The following ZNF385B variants were observed in gnomAD, a reference collection of about 807,000 sequenced individuals.
ZNF385B encodes zinc finger protein 385B.
In ZNF385B, 23 loss-of-function variants were observed where a neutral mutation model predicts 39.2. The ratio of observed to expected loss-of-function variants is 0.59; its 90% CI spans 0.42 to 0.83. ZNF385B has a LOEUF of 0.83. ZNF385B is among the 40% of genes least tolerant of loss of function. The pLI is 0.00. For synonymous variants in ZNF385B, 205 were observed against 222.6 expected, an observed-to-expected ratio of 0.92 and a Z score of 0.70; for missense variants, 552 against 598.9, an observed-to-expected ratio of 0.92 and a Z score of 0.82.
At chr2:179,533,421 T>C (rs751073140) in intron 4 of ZNF385B, among the ~76,000 whole-genome samples, 13 of 152,212 alleles carry the variant, frequency 8.5e-5, no homozygotes, top group Non-Finnish European at 1.9e-4. Flanking sequence ...ATTTGCATTC[T>C]GAGAAAAAAT....
chr2:179,553,790 A>G (rs1425580291), intron 3 of ZNF385B, among the ~76,000 whole-genome samples: 1 of 149,408 alleles, frequency 6.7e-6, no homozygotes, highest in African/African-American at 2.5e-5. Context: ...AGTTTTTAAT[A>G]TACTAACAGG....
At chr2:179,836,529 T>TTTTTTTTTA in intron 1 of ZNF385B, among the ~76,000 whole-genome samples, 1 of 147,866 alleles carries the variant, frequency 6.8e-6, no homozygotes, top group African/African-American at 2.5e-5. Context: ...TTTTTTTTTT[T>TTTTTTTTTA]GAGACGGAGT....
chr2:179,705,561 G>T (rs1360518263), intron 3 of ZNF385B, among the ~76,000 whole-genome samples: 1 of 152,142 alleles, frequency 6.6e-6, no homozygotes, highest in African/African-American at 2.4e-5. Context: ...CTATTCTCTA[G>T]ATCACCCTGG....
chr2:179,831,769 G>C (rs1376291816), intron 1 of ZNF385B, among the ~76,000 whole-genome samples: 1 of 152,190 alleles, frequency 6.6e-6, no homozygotes, highest in African/African-American at 2.4e-5. Context: ...TGGATCAGGA[G>C]TGGGGAGGCC....
At chr2:179,634,973 C>CGA (rs1475827670) in intron 3 of ZNF385B, among the ~76,000 whole-genome samples, 1 of 115,614 alleles carries the variant, frequency 8.6e-6, no homozygotes, top group African/African-American at 3.5e-5. Flanking sequence ...ACTAAAAATA[C>CGA]AAAAAAAAAA....
intron 3 of ZNF385B, among the ~76,000 whole-genome samples, chr2:179,752,122 C>T (rs1403567694): frequency 2.0e-5 from 3 of 151,950 alleles, no homozygotes; most frequent in Non-Finnish European, 4.4e-5. Flanking sequence ...GTGTGATGTT[C>T]CCCTTCCTGT....
chr2:179,533,929 C>T (rs1376520776), intron 4 of ZNF385B, among the ~76,000 whole-genome samples: 1 of 152,126 alleles, frequency 6.6e-6, no homozygotes, highest in East Asian at 1.9e-4. Flanking sequence ...GCCTTTGAAA[C>T]CTAAATATCA....
chr2:179,628,674 A>T (rs1364075131), intron 3 of ZNF385B, among the ~76,000 whole-genome samples: 1 of 152,162 alleles, frequency 6.6e-6, no homozygotes, highest in African/African-American at 2.4e-5. Flanking sequence ...ATTTAATTGT[A>T]TGGGCAGTAA....
intron 1 of ZNF385B, among the ~76,000 whole-genome samples, chr2:179,855,698 G>T (rs17776109): frequency 2.0e-5 from 3 of 152,148 alleles, no homozygotes. Context: ...GGCAAGAAAA[G>T]TGTTCACTTG....
rs1553516039 is a variant in ZNF385B, at chr2:179,714,951, A to AAAC, written c.298+54551_298+54552insGTT. Among the ~76,000 whole-genome samples, 18 of 150,530 alleles carry AAAC rather than the reference A, an allele frequency of 1.2e-4. 1 individual carries two copies. The highest frequency in any genetic ancestry group is 4.2e-4 in the African/African-American group (17 of 40,684). ...AAGCGAGATTCTATCTCAAAAAAAA[A>AAAC]AAAAAAAAAACAGTTTCCTGAATGT... On this transcript the variant is annotated intron_variant, in intron 3 of 9. Transcript: ENST00000410066.
intron 3 of ZNF385B, among the ~76,000 whole-genome samples, chr2:179,729,814 A>G (rs1701270525): frequency 6.6e-6 from 1 of 152,172 alleles, no homozygotes; most frequent in Non-Finnish European, 1.5e-5. Flanking sequence ...GTGAATTCTC[A>G]TGAGATCTGA....
At chr2:179,493,450 T>C (rs1469578382) in intron 5 of ZNF385B, among the ~76,000 whole-genome samples, 1 of 150,620 alleles carries the variant, frequency 6.6e-6, no homozygotes, top group Non-Finnish European at 1.5e-5. Context: ...TATGCATGTG[T>C]ACATGTGTGT....
At chr2:179,701,099 G>A (rs1028498512) in intron 3 of ZNF385B, among the ~76,000 whole-genome samples, 2 of 152,100 alleles carry the variant, frequency 1.3e-5, no homozygotes, top group Non-Finnish European at 2.9e-5. Flanking sequence ...ACTAAAAATC[G>A]TTACAATACA....
intron 3 of ZNF385B, among the ~76,000 whole-genome samples, chr2:179,714,947 A>AAAAAAAAAAAAAAAAAAAAAAAAAAC (rs1700231039): frequency 6.6e-6 from 1 of 150,658 alleles, no homozygotes; most frequent in African/African-American, 2.4e-5. Context: ...TATCTCAAAA[A>AAAAAAAAAAAAAAAAAAAAAAAAAAC]AAAAAAAAAA....
chr2:179,798,154 G>C (rs943178185), intron 1 of ZNF385B, among the ~76,000 whole-genome samples: 4 of 151,476 alleles, frequency 2.6e-5, no homozygotes, highest in African/African-American at 9.7e-5. Flanking sequence ...GATATTATTT[G>C]AATTTATAAT....
chr2:179,829,576 C>G (rs986610745), intron 1 of ZNF385B, among the ~76,000 whole-genome samples: 3 of 151,904 alleles, frequency 2.0e-5, no homozygotes, highest in Non-Finnish European at 2.9e-5. Context: ...TGCAGTGGTG[C>G]TATCTCGGCT....
chr2:179,644,299 C>T (rs1210278218), intron 3 of ZNF385B, among the ~76,000 whole-genome samples: 2 of 151,948 alleles, frequency 1.3e-5, no homozygotes, highest in African/African-American at 2.4e-5. Context: ...ATCTTCAGCC[C>T]CTTGCCAAGG....
intron 1 of ZNF385B, among the ~76,000 whole-genome samples, chr2:179,812,295 T>A (rs1326205997): frequency 6.6e-6 from 1 of 152,194 alleles, no homozygotes; most frequent in Non-Finnish European, 1.5e-5. Context: ...ACTGGGTATC[T>A]AGCCAAAAGA....
intron 1 of ZNF385B, among the ~76,000 whole-genome samples, chr2:179,797,257 T>G (rs1705725807): frequency 6.6e-6 from 1 of 152,142 alleles, no homozygotes; most frequent in African/African-American, 2.4e-5. Context: ...AATTAACATC[T>G]TGTGTTTCAT....
Sources: gnomAD v4.1 joint callset for allele counts (sites outside exome capture counted in the v4.1 genomes callset) on GRCh38, gnomAD v4.1.1 for gene constraint, MANE v1.5 for transcripts, NCBI Gene and HGNC (gene_info 2026-07-23, HGNC 2026-07-21) for gene names.